Variants in COL4A2 observed in about 807,000 individuals in gnomAD.
COL4A2 encodes collagen alpha-2(IV) chain.
A neutral mutation model predicts 200.2 loss-of-function variants in COL4A2; 99 were observed. The ratio of observed to expected loss-of-function variants is 0.49; its 90% CI spans 0.42 to 0.58. The LOEUF (loss-of-function observed/expected upper bound fraction) is 0.58, where lower values mean the gene tolerates loss of function less well. COL4A2 is among the 20% of genes least tolerant of loss of function. COL4A2 has a pLI of 0.00. For synonymous variants in COL4A2, 897 were observed against 900.6 expected, an observed-to-expected ratio of 1.00 and a Z score of 0.07; for missense variants, 1,950 against 2,314.1, an observed-to-expected ratio of 0.84 and a Z score of 3.23.
chr13:110,379,229 T>TATGC (rs549997866), intron 4 of COL4A2, among the ~76,000 whole-genome samples: 248 of 152,296 alleles, frequency 1.6e-3, no homozygotes, highest in African/African-American at 5.6e-3. Context: ...ACACATCCTA[T>TATGC]ATGCACAGGA....
chr13:110,368,461 C>A (rs1408541998), intron 4 of COL4A2, among the ~76,000 whole-genome samples: 1 of 152,154 alleles, frequency 6.6e-6, no homozygotes, highest in Non-Finnish European at 1.5e-5. Flanking sequence ...TAAATGAAAC[C>A]TAATGGTAGA....
chr13:110,442,574 A>T (rs1459691386), intron 16 of COL4A2, among the ~76,000 whole-genome samples: 1 of 152,236 alleles, frequency 6.6e-6, no homozygotes, highest in East Asian at 1.9e-4. Flanking sequence ...AAAAGAAAAG[A>T]TATCCTGGGT....
At chr13:110,329,952 T>C (rs937247994) in intron 3 of COL4A2, among the ~76,000 whole-genome samples, 3 of 152,202 alleles carry the variant, frequency 2.0e-5, no homozygotes, top group African/African-American at 7.2e-5. Context: ...CAACTTTTCA[T>C]CTGTTTAAAG....
chr13:110,456,427 G>A (rs1881735412), intron 20 of COL4A2: 2 of 269,288 alleles, frequency 7.4e-6, no homozygotes, highest in South Asian at 3.6e-5. Flanking sequence ...TTTTTGGGGG[G>A]GAACCAGAAG....
rs144910643 is a variant in COL4A2, at chr13:110,360,350, A to T, written c.180+2798A>T. Among the ~76,000 whole-genome samples, 25 of 152,372 alleles carry T rather than the reference A, an allele frequency of 1.6e-4. No individual in the cohort carries two copies. The East Asian group carries it at 4.2e-3, about 26-fold the overall frequency. On this transcript the variant is annotated intron_variant, in intron 4 of 47. Transcript: ENST00000360467. The stretch of plus-strand genomic sequence containing the variant: ...TATTTAATGCAGAATCAACATAGTA[A>T]CATTTTCCATAATGCCTTTAGGAGA...
intron 30 of COL4A2, 65 bp downstream of exon 30, chr13:110,478,229 T>G: frequency 7.1e-7 from 1 of 1,407,734 alleles, no homozygotes; most frequent in Non-Finnish European, 9.4e-7. Flanking sequence ...GAATGAGCAC[T>G]GTCTTCTTGT....
At chr13:110,328,837 A>G (rs1348249151) in intron 3 of COL4A2, among the ~76,000 whole-genome samples, 1 of 152,202 alleles carries the variant, frequency 6.6e-6, no homozygotes, top group Non-Finnish European at 1.5e-5. Context: ...AGTCTTGATA[A>G]ACTCATGCTG....
intron 4 of COL4A2, among the ~76,000 whole-genome samples, chr13:110,393,199 A>G (rs1879053632): frequency 6.6e-6 from 1 of 152,216 alleles, no homozygotes; most frequent in Non-Finnish European, 1.5e-5. Context: ...TTTCTTTTGT[A>G]AGGTAAAATT....
Position 110,307,769 on chromosome 13 carries a change from G to A in COL4A2, c.-44-91G>A. On this transcript the variant is annotated intron_variant, in intron 1 of 47. Transcript: ENST00000360467. The surrounding 1 kb of genome is among the most constrained non-coding windows in gnomAD (Gnocchi z 5.0). Reference sequence around the variant, plus strand: ...CCCCTGCATGCGGGCCGCGCACCGCGCTGTCCCCGCGTCTCGCGGACCGAG... The same window carrying A: ...CCCCTGCATGCGGGCCGCGCACCGCACTGTCCCCGCGTCTCGCGGACCGAG... 8.0e-7 allele frequency: 1 copy of A among 1,244,680 alleles called. No individual in the cohort carries two copies. The allele number at this position is 1,244,680 out of a possible 1,614,324, so 77.1% of individuals were successfully genotyped here.
chr13:110,367,426 G>T (rs1177283894), intron 4 of COL4A2, among the ~76,000 whole-genome samples: 1 of 152,222 alleles, frequency 6.6e-6, no homozygotes, highest in African/African-American at 2.4e-5. Flanking sequence ...GAAACCGAAG[G>T]TTGGATGAAT....
chr13:110,320,382 T>C (rs777193938), intron 3 of COL4A2, among the ~76,000 whole-genome samples: 2 of 152,240 alleles, frequency 1.3e-5, no homozygotes, highest in Admixed American at 1.3e-4. Flanking sequence ...ACAAGAGTGA[T>C]TTGTTATCTG....
rs781685956 is a variant in COL4A2, at chr13:110,385,930, T to C, written c.180+28378T>C. 6.3e-5 allele frequency among the ~76,000 whole-genome samples: 3 copies of C among 47,544 alleles called. 1 individual carries two copies. The highest frequency in any genetic ancestry group is 1.3e-4 in the African/African-American group (2 of 15,784). 31.2% of individuals were successfully genotyped at this position (47,544 alleles called of 152,430 possible). ...GTTACAGCGTGTGGATGGGCCGTGGTTACAGCGTGTGGATGGGCCGTGGTC... is the reference window on the plus strand; with the variant it reads ...GTTACAGCGTGTGGATGGGCCGTGGCTACAGCGTGTGGATGGGCCGTGGTC... On this transcript the variant is annotated intron_variant, in intron 4 of 47. Coordinates refer to ENST00000360467, the MANE Select transcript of COL4A2 (RefSeq NM_001846.4).
chr13:110,419,719 C>T (rs748675435), intron 4 of COL4A2, among the ~76,000 whole-genome samples: 6 of 152,206 alleles, frequency 3.9e-5, no homozygotes, highest in Admixed American at 6.5e-5. Flanking sequence ...GGCCCATGTG[C>T]GCACCAGCCA....
intron 3 of COL4A2, among the ~76,000 whole-genome samples, chr13:110,326,337 A>C (rs1421257702): frequency 6.6e-6 from 1 of 152,198 alleles, no homozygotes; most frequent in East Asian, 1.9e-4. Context: ...CTGGCATAGA[A>C]TAAACACCCA....
At chr13:110,365,936 A>G (rs1877727057) in intron 4 of COL4A2, among the ~76,000 whole-genome samples, 1 of 152,244 alleles carries the variant, frequency 6.6e-6, no homozygotes, top group South Asian at 2.1e-4. Context: ...AATAATAGCC[A>G]TTTCATGTCT....
intron 29 of COL4A2, among the ~76,000 whole-genome samples, chr13:110,475,492 G>C (rs761103888): frequency 1.3e-5 from 2 of 152,206 alleles, no homozygotes; most frequent in Non-Finnish European, 2.9e-5. Context: ...GCAGGCTTCA[G>C]AATGTTTGAG....
chr13:110,414,090 A>T (rs1879951972), intron 4 of COL4A2, among the ~76,000 whole-genome samples: 1 of 152,222 alleles, frequency 6.6e-6, no homozygotes, highest in Admixed American at 6.5e-5. Context: ...CAGGAGGATG[A>T]CTTGAGCCCG....
intron 6 of COL4A2, 55 bp downstream of exon 6, chr13:110,425,052 C>T (rs1880419739): frequency 1.3e-6 from 2 of 1,485,712 alleles, no homozygotes; most frequent in African/African-American, 1.9e-5. Context: ...CTAGGCAATA[C>T]ATTTTGTGAC....
At chr13:110,399,780 G>A (rs560391083) in intron 4 of COL4A2, among the ~76,000 whole-genome samples, 2 of 152,308 alleles carry the variant, frequency 1.3e-5, no homozygotes, top group South Asian at 4.1e-4. Flanking sequence ...GGATCTTCCT[G>A]GCAGGAATAT....
Sources: allele counts gnomAD v4.1 joint callset (sites outside exome capture counted in the v4.1 genomes callset), GRCh38; gene constraint gnomAD v4.1.1; non-coding constraint Gnocchi (gnomAD v3.1); transcripts MANE v1.5; gene names NCBI Gene and HGNC (gene_info 2026-07-23, HGNC 2026-07-21).